The following RNF111 variants were observed in gnomAD, a reference collection of about 807,000 sequenced individuals.
RNF111 encodes the protein ring finger protein 111, also known as E3 ubiquitin-protein ligase Arkadia.
A neutral mutation model predicts 95.1 loss-of-function variants in RNF111; 17 were observed. That is an observed-to-expected ratio of 0.18 (90% CI 0.12 to 0.27). RNF111 has a LOEUF of 0.27. Among genes scored for constraint, RNF111 ranks in the 10% least tolerant of loss-of-function variants. The pLI, the probability that RNF111 is intolerant of heterozygous loss-of-function variation, is 1.00. For synonymous variants in RNF111, 440 were observed against 414.8 expected, an observed-to-expected ratio of 1.06 and a Z score of -0.74; for missense variants, 1,189 against 1,210.4, an observed-to-expected ratio of 0.98 and a Z score of 0.26.
Position 59,037,088 on chromosome 15 carries a change from C to T in RNF111, c.880+5386C>T, listed in dbSNP as rs567795116. The stretch of plus-strand genomic sequence containing the variant: ...CTGGGCTTAAGTGATGTGCCTGCCT[C>T]GGCCTCCCAAAGTGCTGGATTACAG... On this transcript the variant is annotated intron_variant, in intron 2 of 13. Coordinates refer to ENST00000348370, the MANE Select transcript of RNF111 (RefSeq NM_017610.8). 5.9e-5 allele frequency among the ~76,000 whole-genome samples: 9 copies of T among 151,760 alleles called. No homozygotes were observed. In the South Asian group the frequency reaches 1.2e-3, roughly 21 times the overall value.
chr15:58,999,427 C>G (rs112016203), intron 1 of RNF111, among the ~76,000 whole-genome samples: 2 of 152,098 alleles, frequency 1.3e-5, no homozygotes, highest in African/African-American at 4.8e-5. Context: ...TCTCCGCCCC[C>G]CAGGTTCAAG....
chr15:59,052,568 GAT>G, intron 3 of RNF111, 137 bp downstream of exon 3: 3 of 407,364 alleles, frequency 7.4e-6, no homozygotes, highest in South Asian at 7.9e-5. Flanking sequence ...CAGATTAGTG[GAT>G]TTTTTTTTTT....
intron 1 of RNF111, among the ~76,000 whole-genome samples, chr15:58,997,848 A>G (rs1388843930): frequency 6.6e-6 from 1 of 151,554 alleles, no homozygotes; most frequent in South Asian, 2.1e-4. Context: ...AAATTTGTAA[A>G]TTTATTTTGA....
At chr15:59,047,891 G>T (rs1175273048) in intron 2 of RNF111, among the ~76,000 whole-genome samples, 4 of 152,102 alleles carry the variant, frequency 2.6e-5, no homozygotes, top group East Asian at 1.9e-4. Flanking sequence ...TTTTAGAAAT[G>T]GTTATTAAAA....
At position 59,052,354 on chromosome 15, in the gene RNF111, G is replaced by A. The variant is rs1215808257; in HGVS notation, c.930G>A (p.Gln310=). ...VVVIEASSTP[Q]VTANEEINVT... is the part of the protein sequence containing the mutation. The stretch of plus-strand genomic sequence containing the variant: ...TGATAGAAGCTTCCTCCACTCCCCA[G>A]GTTACTGCCAATGAAGAAATTAATG... Residue 310 remains glutamine (Q), a synonymous_variant, in exon 3 of 14, where the codon CAG becomes CAA. Coordinates refer to ENST00000348370, the MANE Select transcript of RNF111 (RefSeq NM_017610.8). 1 of 1,606,728 alleles carries A rather than the reference G, an allele frequency of 6.2e-7. No individual in the cohort carries two copies. The highest frequency in any genetic ancestry group is 8.5e-7 in the Non-Finnish European group (1 of 1,176,992).
chr15:59,019,728 G>T (rs1202712760), intron 1 of RNF111, among the ~76,000 whole-genome samples: 2 of 152,162 alleles, frequency 1.3e-5, no homozygotes, highest in African/African-American at 2.4e-5. Context: ...GGAAGCTGAG[G>T]TGGGTGGATC....
At chr15:59,082,933 A>G (rs768323419) in intron 8 of RNF111, among the ~76,000 whole-genome samples, 4 of 152,240 alleles carry the variant, frequency 2.6e-5, no homozygotes, top group Non-Finnish European at 4.4e-5. Context: ...GTTGTTTAGA[A>G]TAAACATGCA....
chr15:58,991,939 G>C (rs538010179), intron 1 of RNF111, among the ~76,000 whole-genome samples: 1 of 152,196 alleles, frequency 6.6e-6, no homozygotes, highest in Non-Finnish European at 1.5e-5. Flanking sequence ...TTGTAACTTT[G>C]TTAGGGATGA....
chr15:59,083,249 T>A (rs1249703186), intron 8 of RNF111, among the ~76,000 whole-genome samples: 1 of 152,050 alleles, frequency 6.6e-6, no homozygotes, highest in African/African-American at 2.4e-5. Flanking sequence ...GGATGCAAAA[T>A]AAAGAGTATG....
chr15:59,088,619 A>C (rs1398993738), intron 10 of RNF111, among the ~76,000 whole-genome samples: 3 of 152,200 alleles, frequency 2.0e-5, no homozygotes, highest in Non-Finnish European at 4.4e-5. Flanking sequence ...GTATCTCAGA[A>C]ATGCCCTTTC....
At position 59,005,455 on chromosome 15, in the gene RNF111, A is replaced by C. The variant is rs568241817; in HGVS notation, c.-20+17387A>C. On this transcript the variant is annotated intron_variant, in intron 1 of 13. Transcript: ENST00000348370. ...TCAAAGAGAAATTGTTTCCTTGGGC[A>C]GTTTTGCTCCCAACATTAGATCCCG... Among the ~76,000 whole-genome samples, 36 of 152,354 alleles carry C rather than the reference A, an allele frequency of 2.4e-4. No individual in the cohort carries two copies. The South Asian group carries it at 5.0e-3, about 21-fold the overall frequency.
Position 59,095,052 on chromosome 15 carries a change from C to T in RNF111, c.*152C>T, listed in dbSNP as rs1442934183. Reference sequence around the variant, plus strand: ...TATGGTACAACTAATGCTAGACCTACAGTTTATGTATACAGTTGATTTTGA... The same window carrying T: ...TATGGTACAACTAATGCTAGACCTATAGTTTATGTATACAGTTGATTTTGA... On this transcript the variant is annotated 3_prime_UTR_variant, in exon 14 of 14. Coordinates refer to ENST00000348370, the MANE Select transcript of RNF111 (RefSeq NM_017610.8). 3.0e-6 allele frequency: 2 copies of T among 675,296 alleles called. No individual in the cohort carries two copies. Among genetic ancestry groups the T allele is most frequent in the African/African-American group, 1.9e-5 (1 of 53,492 alleles). The allele number at this position is 675,296 out of a possible 1,614,324, so 41.8% of individuals were successfully genotyped here. A position where few individuals can be genotyped will look rare whatever the true frequency, so the allele number is the denominator to read the frequency against.
intron 6 of RNF111, among the ~76,000 whole-genome samples, chr15:59,071,755 C>G (rs1025186864): frequency 6.6e-6 from 1 of 151,988 alleles, no homozygotes; most frequent in Admixed American, 6.6e-5. Flanking sequence ...GGAATCTACC[C>G]TCTGGTTTAT....
At chr15:59,038,399 C>A (rs1365200786) in intron 2 of RNF111, among the ~76,000 whole-genome samples, 1 of 151,932 alleles carries the variant, frequency 6.6e-6, no homozygotes, top group Non-Finnish European at 1.5e-5. Flanking sequence ...AAAAGATAAC[C>A]CTTGGAATTG....
chr15:59,030,589 G>C (rs545639672), intron 1 of RNF111, among the ~76,000 whole-genome samples: 1 of 152,210 alleles, frequency 6.6e-6, no homozygotes, highest in African/African-American at 2.4e-5. Context: ...TATATCTACT[G>C]TATTTCTAAA....
chr15:59,077,714 A>G (rs1476293583), intron 7 of RNF111, among the ~76,000 whole-genome samples: 1 of 152,232 alleles, frequency 6.6e-6, no homozygotes, highest in East Asian at 1.9e-4. Context: ...TTAACTTCCT[A>G]GAAATGTGAT....
chr15:59,050,406 A>G (rs1422736655), intron 2 of RNF111: 3 of 152,522 alleles, frequency 2.0e-5, no homozygotes, highest in African/African-American at 4.8e-5. Flanking sequence ...TTATTGGAAG[A>G]TGGTGGTTTC....
rs200975904 is a variant in RNF111 at position 59,017,753 on chromosome 15, C to CTT, written c.-19-13031_-19-13030dup. ...GGTTTGTTACATTATTTGTTGAACT[C>CTT]TTTTTTTTTTTTTTTTTTTTTGAGA... is the stretch of plus-strand genomic sequence containing the variant. On this transcript the variant is annotated intron_variant, in intron 1 of 13. Transcript: ENST00000348370. Among the ~76,000 whole-genome samples the CTT allele has an allele frequency of 2.8e-3, 343 of 120,844 alleles. 1 individual carries two copies. Among genetic ancestry groups the CTT allele is most frequent in the African/African-American group, 3.9e-3 (114 of 29,080 alleles). 79.3% of individuals were successfully genotyped at this position (120,844 alleles called of 152,430 possible). A position where few individuals can be genotyped will look rare whatever the true frequency, so the allele number is the denominator to read the frequency against.
At chr15:59,025,766 T>C (rs150813804) in intron 1 of RNF111, among the ~76,000 whole-genome samples, 85 of 152,240 alleles carry the variant, frequency 5.6e-4, no homozygotes, top group Middle Eastern at 3.4e-3. Context: ...ATTTTGCTCT[T>C]GTCTCCCAGG....
Sources: gnomAD v4.1 joint callset for allele counts (sites outside exome capture counted in the v4.1 genomes callset) on GRCh38, gnomAD v4.1.1 for gene constraint, MANE v1.5 for transcripts, NCBI Gene and HGNC (gene_info 2026-07-23, HGNC 2026-07-21) for gene names.